AGBL4: variants seen among roughly 807,000 people sequenced by gnomAD.
The protein encoded by AGBL4 is cytosolic carboxypeptidase 6.
In AGBL4, 58 loss-of-function variants were observed where a neutral mutation model predicts 66.4. That is an observed-to-expected ratio of 0.87 (90% CI 0.71 to 1.09). The LOEUF (loss-of-function observed/expected upper bound fraction) is 1.09, where lower values mean the gene tolerates loss of function less well. Among genes scored for constraint, AGBL4 ranks in the 50% least tolerant of loss-of-function variants. AGBL4 has a pLI of 0.00. For missense variants in AGBL4, 579 were observed against 631.0 expected, an observed-to-expected ratio of 0.92 and a Z score of 0.88; for synonymous variants, 234 against 222.9, an observed-to-expected ratio of 1.05 and a Z score of -0.44.
At chr1:49,104,259 T>A (rs1476395370) in intron 4 of AGBL4, among the ~76,000 whole-genome samples, 1 of 152,216 alleles carries the variant, frequency 6.6e-6, no homozygotes, top group Non-Finnish European at 1.5e-5. Flanking sequence ...ACCCTGTACC[T>A]GGATTATGGC....
At chr1:49,879,295 G>T (rs1179967139) in intron 1 of AGBL4, among the ~76,000 whole-genome samples, 1 of 151,284 alleles carries the variant, frequency 6.6e-6, no homozygotes, top group Non-Finnish European at 1.5e-5. Context: ...GCAGTGGCTG[G>T]TACCGGTTGT....
At chr1:49,294,126 C>T (rs1409930722) in intron 3 of AGBL4, among the ~76,000 whole-genome samples, 8 of 152,168 alleles carry the variant, frequency 5.3e-5, no homozygotes, top group African/African-American at 1.9e-4. Context: ...TGCTATGTCA[C>T]TTAGTTGCAT....
chr1:49,555,808 G>A (rs1286964512), intron 3 of AGBL4, among the ~76,000 whole-genome samples: 5 of 152,028 alleles, frequency 3.3e-5, no homozygotes, highest in Non-Finnish European at 5.9e-5. Flanking sequence ...TCACAGAAAT[G>A]CAAATCAAAA....
chr1:49,882,336 T>C (rs1273093153), intron 1 of AGBL4, among the ~76,000 whole-genome samples: 23 of 151,048 alleles, frequency 1.5e-4, no homozygotes, highest in African/African-American at 5.7e-4. Flanking sequence ...CCTCCAGCTT[T>C]GTTCTTTTGG....
At chr1:49,419,445 A>G (rs1044628030) in intron 3 of AGBL4, among the ~76,000 whole-genome samples, 1 of 152,240 alleles carries the variant, frequency 6.6e-6, no homozygotes, top group Non-Finnish European at 1.5e-5. Context: ...ATGGAATGGC[A>G]GAGACTCCCA....
chr1:48,776,647 C>T (rs1645103767), intron 6 of AGBL4: 3 of 1,489,650 alleles, frequency 2.0e-6, no homozygotes, highest in African/African-American at 1.5e-5. Flanking sequence ...CAACAGCGCG[C>T]CCCAGTCGCG....
chr1:49,577,046 A>G (rs1644451357), intron 3 of AGBL4, among the ~76,000 whole-genome samples: 1 of 152,220 alleles, frequency 6.6e-6, no homozygotes, highest in Non-Finnish European at 1.5e-5. Flanking sequence ...GCTGTAGCCA[A>G]TTGTTTGGAA....
chr1:48,979,514 C>T (rs540988197), intron 5 of AGBL4, among the ~76,000 whole-genome samples: 22 of 151,778 alleles, frequency 1.4e-4, no homozygotes, highest in African/African-American at 4.1e-4. Flanking sequence ...CAGTGATAAG[C>T]GATAAGGTAT....
rs148377660 is a variant in AGBL4 at position 49,027,152 on chromosome 1, T to C, written c.594+18432A>G. Reference sequence around the variant, plus strand: ...CCTTCTTCCCAGCAAAACAACCGTTTAACTGCTAATTTTTTTTTCTTTTTT... The same window carrying C: ...CCTTCTTCCCAGCAAAACAACCGTTCAACTGCTAATTTTTTTTTCTTTTTT... On this transcript the variant is annotated intron_variant, in intron 5 of 13. Coordinates refer to ENST00000371839, the MANE Select transcript of AGBL4 (RefSeq NM_032785.4). 9.9e-5 allele frequency among the ~76,000 whole-genome samples: 15 copies of C among 152,190 alleles called. No homozygotes were observed. In the East Asian group the frequency reaches 2.7e-3, roughly 28 times the overall value.
At position 49,443,796 on chromosome 1, in the gene AGBL4, A is replaced by T. The variant is rs188635800; in HGVS notation, c.283-197932T>A. Among the ~76,000 whole-genome samples the T allele has an allele frequency of 5.9e-3, 881 of 150,276 alleles. 8 individuals are homozygous for T. The highest frequency in any genetic ancestry group is 0.012 in the African/African-American group (492 of 41,272). On this transcript the variant is annotated intron_variant, in intron 3 of 13. Coordinates refer to ENST00000371839, the MANE Select transcript of AGBL4 (RefSeq NM_032785.4). ...TCTGATTTTTATTATATATATATATATTTTTAATTTTGATTTGGGTTTGTT... is the reference window on the plus strand; with the variant it reads ...TCTGATTTTTATTATATATATATATTTTTTTAATTTTGATTTGGGTTTGTT...
intron 2 of AGBL4, among the ~76,000 whole-genome samples, chr1:49,848,700 C>T (rs1005554365): frequency 1.3e-5 from 2 of 152,004 alleles, no homozygotes; most frequent in South Asian, 2.1e-4. Context: ...ATTATTTAGT[C>T]GGTACAATGT....
At chr1:49,542,914 A>AC (rs1271006009) in intron 3 of AGBL4, among the ~76,000 whole-genome samples, 23 of 150,050 alleles carry the variant, frequency 1.5e-4, no homozygotes, top group African/African-American at 4.2e-4. Flanking sequence ...AAAAAAAAAA[A>AC]AAAAAAAAAA....
chr1:49,906,055 G>C (rs142110975), intron 1 of AGBL4, among the ~76,000 whole-genome samples: 5 of 151,254 alleles, frequency 3.3e-5, no homozygotes, highest in African/African-American at 4.9e-5. Context: ...AGCCATTGTT[G>C]CTAGTATTAT....
intron 1 of AGBL4, among the ~76,000 whole-genome samples, chr1:49,947,881 C>T (rs1187306061): frequency 7.6e-6 from 1 of 131,944 alleles, no homozygotes; most frequent in African/African-American, 2.9e-5. Context: ...AAATCAGCAG[C>T]TCTTCTATGC....
intron 3 of AGBL4, among the ~76,000 whole-genome samples, chr1:49,305,082 TAA>T (rs1644825494): frequency 6.6e-6 from 1 of 152,288 alleles, no homozygotes; most frequent in Admixed American, 6.5e-5. Context: ...GTTAAATAAC[TAA>T]AAGTTATTAA....
the AGBL4 span, among the ~76,000 whole-genome samples, chr1:48,526,418 G>A: frequency 2.0e-5 from 3 of 152,206 alleles, no homozygotes; most frequent in African/African-American, 7.2e-5. Flanking sequence ...TAGGGGTGTT[G>A]TGAGGATTGC....
chr1:49,684,798 C>T (rs1461218299), intron 3 of AGBL4, among the ~76,000 whole-genome samples: 1 of 152,134 alleles, frequency 6.6e-6, no homozygotes, highest in Non-Finnish European at 1.5e-5. Context: ...CTATTTAAGG[C>T]AGCTTTAAGG....
chr1:48,956,549 C>T (rs1007369523), intron 5 of AGBL4, among the ~76,000 whole-genome samples: 1 of 151,968 alleles, frequency 6.6e-6, no homozygotes, highest in Non-Finnish European at 1.5e-5. Context: ...GGAAGAGAGA[C>T]TGGGGAAGGG....
At chr1:49,656,670 G>C (rs1200973323) in intron 3 of AGBL4, among the ~76,000 whole-genome samples, 1 of 152,154 alleles carries the variant, frequency 6.6e-6, no homozygotes, top group Non-Finnish European at 1.5e-5. Context: ...GATCAAGTGG[G>C]CTTCATCCCT....
Sources: gnomAD v4.1 joint callset for allele counts (sites outside exome capture counted in the v4.1 genomes callset) on GRCh38, gnomAD v4.1.1 for gene constraint, MANE v1.5 for transcripts, NCBI Gene and HGNC (gene_info 2026-07-23, HGNC 2026-07-21) for gene names.